The following TENM2 variants were observed in gnomAD, a reference collection of about 807,000 sequenced individuals.
TENM2 encodes the protein teneurin transmembrane protein 2, also known as teneurin-2.
A neutral mutation model predicts 245.2 loss-of-function variants in TENM2; 52 were observed. That is an observed-to-expected ratio of 0.21 (90% confidence interval 0.17 to 0.27). The LOEUF (loss-of-function observed/expected upper bound fraction) is 0.27, where lower values mean the gene tolerates loss of function less well. TENM2 is among the 10% of genes least tolerant of loss of function. The probability of loss-of-function intolerance (pLI) is 1.00; values close to 1 mark genes in which losing one functional copy is unlikely to be tolerated. For missense variants in TENM2, 3,046 were observed against 3,666.8 expected (o/e 0.83, Z 4.37); for synonymous variants, 1,363 against 1,438.9 (o/e 0.95, Z 1.19).
chr5:167,105,169 G>A, the TENM2 span, among the ~76,000 whole-genome samples: 1 of 152,162 alleles, frequency 6.6e-6, no homozygotes, highest in Non-Finnish European at 1.5e-5. Context: ...CTAAATGTTT[G>A]TAGCATACTG....
chr5:168,141,768 T>C (rs1367828616), intron 12 of TENM2, among the ~76,000 whole-genome samples: 1 of 152,214 alleles, frequency 6.6e-6, no homozygotes, highest in African/African-American at 2.4e-5. Context: ...AACCAACTTG[T>C]GCTTTCCACT....
intron 3 of TENM2, among the ~76,000 whole-genome samples, chr5:167,891,976 C>T (rs1774796627): frequency 6.6e-6 from 1 of 152,078 alleles, no homozygotes; most frequent in Admixed American, 6.5e-5. Flanking sequence ...GAAAAGATTC[C>T]AACTTTTACA....
intron 2 of TENM2, among the ~76,000 whole-genome samples, chr5:167,417,415 A>G (rs555986752): frequency 5.2e-4 from 79 of 152,256 alleles, no homozygotes; most frequent in Non-Finnish European, 1.1e-3. Context: ...GAATTGCCAG[A>G]TGGATCTCTT....
chr5:168,018,805 T>A (rs1785892405), intron 5 of TENM2, among the ~76,000 whole-genome samples: 2 of 152,202 alleles, frequency 1.3e-5, no homozygotes, highest in African/African-American at 4.8e-5. Flanking sequence ...CACTAAAAAC[T>A]TCCTTCTCTC....
chr5:167,389,721 A>G (rs1314639131), intron 2 of TENM2, among the ~76,000 whole-genome samples: 2 of 152,182 alleles, frequency 1.3e-5, no homozygotes, highest in African/African-American at 2.4e-5. Context: ...AATCCTTTTC[A>G]ACCAGTGTCC....
At chr5:167,263,512 T>A in the TENM2 span, among the ~76,000 whole-genome samples, 2 of 152,188 alleles carry the variant, frequency 1.3e-5, no homozygotes, top group African/African-American at 2.4e-5. Context: ...CATCTACCCA[T>A]TATTCTTTAT....
intron 2 of TENM2, among the ~76,000 whole-genome samples, chr5:167,694,311 TTGGTCAGGGTG>T (rs1183607426): frequency 6.6e-6 from 1 of 152,138 alleles, no homozygotes; most frequent in Non-Finnish European, 1.5e-5. Context: ...CCTGATTGAA[TTGGTCAGGGTG>T]TGGCCTGGAA....
chr5:167,867,739 T>C (rs949349857), intron 2 of TENM2, among the ~76,000 whole-genome samples: 1 of 151,952 alleles, frequency 6.6e-6, no homozygotes, highest in Non-Finnish European at 1.5e-5. Context: ...TCAGGTGAGG[T>C]TGAATAACCT....
the TENM2 span, among the ~76,000 whole-genome samples, chr5:167,075,848 C>T: frequency 6.6e-6 from 1 of 152,272 alleles, no homozygotes; most frequent in Admixed American, 6.5e-5. Context: ...CACCTACTTG[C>T]AAAAGGGCCC....
intron 23 of TENM2, among the ~76,000 whole-genome samples, chr5:168,223,181 C>A (rs996832000): frequency 2.6e-5 from 4 of 152,206 alleles, no homozygotes; most frequent in Admixed American, 2.0e-4. Context: ...CTAGTCCCTA[C>A]CCTAAAGCTC....
At chr5:167,923,753 T>G (rs1315228981) in intron 3 of TENM2, among the ~76,000 whole-genome samples, 2 of 152,104 alleles carry the variant, frequency 1.3e-5, no homozygotes, top group Non-Finnish European at 2.9e-5. Context: ...AGCTCCCTCC[T>G]GCACTTGAAA....
intron 12 of TENM2, among the ~76,000 whole-genome samples, chr5:168,149,780 C>T (rs181598993): frequency 2.0e-3 from 301 of 152,326 alleles, no homozygotes; most frequent in Non-Finnish European, 2.8e-3. Flanking sequence ...AAGCAATATC[C>T]GTACAGTGGA....
chr5:167,789,498 C>G (rs996657196), intron 2 of TENM2, among the ~76,000 whole-genome samples: 4 of 152,184 alleles, frequency 2.6e-5, no homozygotes, highest in African/African-American at 9.6e-5. Flanking sequence ...GATCGCCCAG[C>G]CAAGTTTGGC....
At chr5:167,404,155 T>C (rs1328046953) in intron 2 of TENM2, among the ~76,000 whole-genome samples, 1 of 152,040 alleles carries the variant, frequency 6.6e-6, no homozygotes, top group Non-Finnish European at 1.5e-5. Context: ...GCCTCTCCTC[T>C]TGTCTCTAGG....
chr5:167,281,721 G>T (rs539387953), upstream of TENM2, among the ~76,000 whole-genome samples: 1 of 152,006 alleles, frequency 6.6e-6, no homozygotes, highest in Non-Finnish European at 1.5e-5. Flanking sequence ...CCTTGCAGCC[G>T]GGCACAGTGG....
At chr5:167,539,010 C>T (rs146492232) in intron 2 of TENM2, among the ~76,000 whole-genome samples, 15 of 152,192 alleles carry the variant, frequency 9.9e-5, no homozygotes, top group East Asian at 1.9e-4. Flanking sequence ...ATAATCTCAT[C>T]GTCATTATGT....
chr5:167,044,385 T>A, the TENM2 span, among the ~76,000 whole-genome samples: 1 of 152,124 alleles, frequency 6.6e-6, no homozygotes, highest in Non-Finnish European at 1.5e-5. Flanking sequence ...AAGAACACAA[T>A]GTGTTCAGTT....
chr5:167,253,093 A>T, the TENM2 span, among the ~76,000 whole-genome samples: 3 of 150,960 alleles, frequency 2.0e-5, no homozygotes, highest in East Asian at 3.9e-4. Flanking sequence ...GTCTTTTTTT[A>T]TTATTATTAT....
In TENM2 at chr5:167,358,172, G is replaced by C. The variant is rs538800837; in HGVS notation, c.227-17026G>C. Among the ~76,000 whole-genome samples, 119 of 152,208 alleles carry C rather than the reference G, an allele frequency of 7.8e-4. 1 individual carries two copies. The highest frequency in any genetic ancestry group is 6.1e-3 in the Admixed American group (94 of 15,296). Reference sequence around the variant, plus strand: ...CCACATTCCTTTACTACAATTTGCAGCCAATCTCAGAAGAGCTGTCTATCA... The same window carrying C: ...CCACATTCCTTTACTACAATTTGCACCCAATCTCAGAAGAGCTGTCTATCA... On this transcript the variant is annotated intron_variant, in intron 1 of 28. Coordinates refer to ENST00000518659, the Ensembl canonical transcript of TENM2.
Sources: allele counts gnomAD v4.1 joint callset (sites outside exome capture counted in the v4.1 genomes callset), GRCh38; gene constraint gnomAD v4.1.1; transcripts MANE v1.5; gene names NCBI Gene and HGNC (gene_info 2026-07-23, HGNC 2026-07-21).